The following ESF1 variants were observed in gnomAD, a reference collection of about 807,000 sequenced individuals.
The protein encoded by ESF1 is ESF1 nucleolar pre-rRNA processing protein, also known as ESF1 homolog.
In ESF1, 58 loss-of-function variants were observed where a neutral mutation model predicts 92.0. The ratio of observed to expected loss-of-function variants is 0.63; its 90% confidence interval spans 0.51 to 0.78. The LOEUF is 0.78. Among genes scored for constraint, ESF1 ranks in the 30% least tolerant of loss-of-function variants. The pLI is 0.00. For synonymous variants in ESF1, 321 were observed against 313.7 expected (o/e 1.02, Z -0.24); for missense variants, 922 against 989.1 (o/e 0.93, Z 0.91).
Position 13,776,386 on chromosome 20 carries a change from A to G in ESF1, c.638-116T>C, listed in dbSNP as rs1015091199. On this transcript the variant is annotated intron_variant, in intron 2 of 13. Transcript: ENST00000617257. ...ATATAATTTCTATGAAACACAGTAA[A>G]GACAAATATATATTCAGTAAATGCT... The G allele has an allele frequency of 3.1e-6, 3 of 959,626 alleles. No individual in the cohort carries two copies. The South Asian group carries it at 5.4e-5, about 17-fold the overall frequency. 59.4% of individuals were successfully genotyped at this position (959,626 alleles called of 1,614,324 possible). A position where few individuals can be genotyped will look rare whatever the true frequency, so the allele number is the denominator to read the frequency against.
chr20:13,776,567 T>C (rs1979952119), intron 2 of ESF1, among the ~76,000 whole-genome samples: 1 of 152,188 alleles, frequency 6.6e-6, no homozygotes, highest in Non-Finnish European at 1.5e-5. Flanking sequence ...GTGTGCCTGC[T>C]ACGTGCTAAG....
Position 13,776,022 on chromosome 20 carries a change from T to C in ESF1, c.886A>G (p.Ser296Gly). 1 of 1,614,024 alleles carries C rather than the reference T, an allele frequency of 6.2e-7. No homozygotes were observed. The highest frequency in any genetic ancestry group is 8.5e-7 in the Non-Finnish European group (1 of 1,179,940). Reference protein sequence around the residue: ...EDEDSEDDDKSDSGPDLARGK... With the variant: ...EDEDSEDDDKGDSGPDLARGK... ...CTTGCAAGATCAGGGCCACTGTCAC[T>C]TTTATCATCATCCTCACTATCCTCA... The change falls in exon 3 of 14, where the codon AGT (serine) becomes GGT (glycine). Residue 296 changes from serine to glycine, a missense_variant. Coordinates refer to ENST00000617257, the MANE Select transcript of ESF1 (RefSeq NM_001276380.2).
At chr20:13,766,988 A>G in intron 7 of ESF1, 64 bp from the exon 8 acceptor site, 1 of 1,514,092 alleles carries the variant, frequency 6.6e-7, no homozygotes, top group Non-Finnish European at 9.0e-7. Flanking sequence ...AACTTGTTAA[A>G]GAATATATAC....
chr20:13,767,655 G>A (rs1157854151), intron 7 of ESF1, among the ~76,000 whole-genome samples: 1 of 151,992 alleles, frequency 6.6e-6, no homozygotes, highest in Non-Finnish European at 1.5e-5. Context: ...ATCTCAGTGG[G>A]GTCCATTTTA....
chr20:13,780,041 A>C (rs1389187345), intron 2 of ESF1, among the ~76,000 whole-genome samples: 1 of 152,214 alleles, frequency 6.6e-6, no homozygotes, highest in Non-Finnish European at 1.5e-5. Context: ...ATAACTGATG[A>C]ATGGATAATG....
chr20:13,742,336 G>A (rs2050018758), intron 9 of ESF1, among the ~76,000 whole-genome samples: 1 of 152,124 alleles, frequency 6.6e-6, no homozygotes, highest in African/African-American at 2.4e-5. Flanking sequence ...AGCTGGGTGT[G>A]GTAGTGAGTG....
chr20:13,721,875 T>C (rs2049870302), intron 11 of ESF1, among the ~76,000 whole-genome samples: 1 of 152,160 alleles, frequency 6.6e-6, no homozygotes, highest in South Asian at 2.1e-4. Context: ...GGGAATAATA[T>C]ACGAATCTTA....
chr20:13,781,243 G>A (rs1264896482), intron 2 of ESF1, among the ~76,000 whole-genome samples: 1 of 152,110 alleles, frequency 6.6e-6, no homozygotes. Flanking sequence ...CACTTGAAAT[G>A]CGTTTTGTCT....
intron 11 of ESF1, among the ~76,000 whole-genome samples, chr20:13,726,073 C>T (rs74597271): frequency 0.012 from 1,786 of 152,244 alleles, 41 homozygotes; most frequent in African/African-American, 0.041. Flanking sequence ...TCCAATTCCA[C>T]GAGCGGCATG....
chr20:13,729,565 T>A (rs1052372149), intron 10 of ESF1, among the ~76,000 whole-genome samples: 6 of 152,190 alleles, frequency 3.9e-5, no homozygotes, highest in Admixed American at 1.3e-4. Context: ...AACTGAAAAA[T>A]GATAGTGACT....
chr20:13,743,076 T>G (rs186350788), intron 9 of ESF1, among the ~76,000 whole-genome samples: 1 of 152,328 alleles, frequency 6.6e-6, no homozygotes, highest in African/African-American at 2.4e-5. Context: ...CTTAAGAATA[T>G]TTATAAGTTA....
chr20:13,743,432 T>C (rs1346915017), intron 9 of ESF1, among the ~76,000 whole-genome samples: 1 of 152,218 alleles, frequency 6.6e-6, no homozygotes, highest in Non-Finnish European at 1.5e-5. Flanking sequence ...TGAACCCCTA[T>C]GTTCATTGCA....
At chr20:13,771,219 C>CA (rs1316298390) in intron 6 of ESF1, 112 bp downstream of exon 6, 5 of 1,081,324 alleles carry the variant, frequency 4.6e-6, no homozygotes, top group Non-Finnish European at 5.5e-6. Flanking sequence ...AACCGAAAAG[C>CA]AAAAAAATCA....
chr20:13,764,770 G>A (rs1979354811), intron 8 of ESF1, among the ~76,000 whole-genome samples: 1 of 148,952 alleles, frequency 6.7e-6, no homozygotes, highest in Non-Finnish European at 1.5e-5. Context: ...GTAGGCTGAG[G>A]AGGAGCAGGA....
At position 13,772,506 on chromosome 20, in the gene ESF1, A is replaced by T; in HGVS notation, c.1250+9T>A. 2 of 1,576,652 alleles carry T rather than the reference A, an allele frequency of 1.3e-6. No individual in the cohort carries two copies. The highest frequency in any genetic ancestry group is 1.7e-6 in the Non-Finnish European group (2 of 1,147,132). The stretch of plus-strand genomic sequence containing the variant: ...AGGTTTAGTTTTATGTTCTATAGTG[A>T]TTTAATACCAGTCTTTTTCTGGGGC... On this transcript the variant is annotated intron_variant, in intron 5 of 13. Coordinates refer to ENST00000617257, the MANE Select transcript of ESF1 (RefSeq NM_001276380.2).
intron 9 of ESF1, among the ~76,000 whole-genome samples, chr20:13,743,383 T>A (rs1412021985): frequency 6.6e-6 from 1 of 152,196 alleles, no homozygotes; most frequent in African/African-American, 2.4e-5. Flanking sequence ...TCTGGGTATA[T>A]ATCCAAAGGA....
At chr20:13,715,190 A>T (rs1180387326) in intron 13 of ESF1, 23 bp from the exon 14 acceptor site, 1 of 1,463,568 alleles carries the variant, frequency 6.8e-7, no homozygotes, top group Non-Finnish European at 9.0e-7. Flanking sequence ...AAAAAAAAAA[A>T]ATTAATAAAT....
At chr20:13,738,398 A>C (rs2049990035) in intron 9 of ESF1, among the ~76,000 whole-genome samples, 1 of 150,850 alleles carries the variant, frequency 6.6e-6, no homozygotes, top group African/African-American at 2.4e-5. Flanking sequence ...ACTGCAGCCT[A>C]GATGTCCCAG....
intron 9 of ESF1, among the ~76,000 whole-genome samples, chr20:13,740,232 G>T (rs937035229): frequency 1.3e-5 from 2 of 152,078 alleles, no homozygotes; most frequent in African/African-American, 4.8e-5. Context: ...GGTAAAGAAA[G>T]ATTCAAGAAC....
Sources: allele counts gnomAD v4.1 joint callset (sites outside exome capture counted in the v4.1 genomes callset), GRCh38; gene constraint gnomAD v4.1.1; transcripts MANE v1.5; gene names NCBI Gene and HGNC (gene_info 2026-07-23, HGNC 2026-07-21).